EBF3: variants seen among roughly 807,000 people sequenced by gnomAD.
EBF3 encodes the protein EBF transcription factor 3.
EBF3 carries 18 observed loss-of-function variants against 77.1 expected under a neutral mutation model. The observed-to-expected ratio is 0.23, with a 90% CI of 0.16 to 0.35. EBF3 has a LOEUF of 0.35. Ranked by LOEUF, EBF3 falls within the 10% of genes least tolerant of loss-of-function variation. EBF3 has a pLI of 1.00. For synonymous variants in EBF3, 350 were observed against 343.5 expected (o/e 1.02, Z -0.21); for missense variants, 558 against 860.0 (o/e 0.65, Z 4.39).
At chr10:129,962,255 C>G in intron 3 of EBF3, 29 bp from the exon 4 acceptor site, 1 of 1,612,506 alleles carries the variant, frequency 6.2e-7, no homozygotes, top group South Asian at 1.1e-5. Context: ...AAATTCTCAT[C>G]AGGATTTGAG....
In EBF3 at chr10:129,863,354, G is replaced by T. The variant is rs1027137661; in HGVS notation, c.1039+3787C>A. ...TGTGTCTTTATAGGAGTTGAAAGCA[G>T]CAGGCAAAAGGGCCTGGATGGATGG... On this transcript the variant is annotated intron_variant, in intron 10 of 16. Coordinates refer to ENST00000440978, the MANE Select transcript of EBF3 (RefSeq NM_001375380.1). The surrounding 1 kb of genome is among the most constrained non-coding windows in gnomAD (Gnocchi z 4.0). Among the ~76,000 whole-genome samples the T allele has an allele frequency of 1.3e-5, 2 of 152,220 alleles. No homozygotes were observed. Among genetic ancestry groups the T allele is most frequent in the African/African-American group, 4.8e-5 (2 of 41,462 alleles).
chr10:129,859,371 G>A (rs549953138), intron 10 of EBF3, among the ~76,000 whole-genome samples: 6 of 152,154 alleles, frequency 3.9e-5, no homozygotes, highest in African/African-American at 7.2e-5. Context: ...ACAGGCGTGC[G>A]CCACCACACC....
chr10:129,930,732 ATATC>A (rs1233238529), intron 6 of EBF3, among the ~76,000 whole-genome samples: 4 of 140,484 alleles, frequency 2.8e-5, no homozygotes, highest in Non-Finnish European at 4.6e-5. Context: ...GTATCTGTCT[ATATC>A]TATCTCTATA....
chr10:129,850,031 C>A (rs117030248), intron 10 of EBF3, among the ~76,000 whole-genome samples: 1 of 152,252 alleles, frequency 6.6e-6, no homozygotes, highest in African/African-American at 2.4e-5. Context: ...TAGTTCGGGC[C>A]GCGGGGCGCG....
chr10:129,916,629 G>A (rs1855900999), intron 6 of EBF3, among the ~76,000 whole-genome samples: 1 of 152,228 alleles, frequency 6.6e-6, no homozygotes, highest in South Asian at 2.1e-4. Flanking sequence ...CACAGCTCAG[G>A]AGCCAGCAGG....
intron 6 of EBF3, among the ~76,000 whole-genome samples, chr10:129,939,109 C>A (rs1446948162): frequency 1.3e-5 from 2 of 152,208 alleles, no homozygotes; most frequent in Non-Finnish European, 2.9e-5. Flanking sequence ...CCAGAAGGTG[C>A]CCCTGTGTGT....
chr10:129,862,655 C>T (rs1022079129), intron 10 of EBF3, among the ~76,000 whole-genome samples: 2 of 152,156 alleles, frequency 1.3e-5, no homozygotes, highest in African/African-American at 4.8e-5. Context: ...GCCAAATGGA[C>T]ACTGTTGGAA....
intron 6 of EBF3, among the ~76,000 whole-genome samples, chr10:129,913,310 TG>T (rs1855651333): frequency 6.6e-6 from 1 of 152,274 alleles, no homozygotes; most frequent in Admixed American, 6.5e-5. Context: ...TTTCTCCTGG[TG>T]GCCCCCACAC....
intron 6 of EBF3, among the ~76,000 whole-genome samples, chr10:129,951,091 C>A (rs1045574118): frequency 6.6e-6 from 1 of 152,330 alleles, no homozygotes; most frequent in African/African-American, 2.4e-5. Flanking sequence ...CTATGCCTAG[C>A]AAAGATCACC....
intron 6 of EBF3, among the ~76,000 whole-genome samples, chr10:129,900,000 T>A (rs1472821799): frequency 2.6e-5 from 4 of 152,386 alleles, no homozygotes; most frequent in African/African-American, 9.6e-5. Context: ...TAATTTGATA[T>A]GAATTCCTCA....
intron 6 of EBF3, among the ~76,000 whole-genome samples, chr10:129,904,478 T>C (rs908122066): frequency 1.3e-5 from 2 of 150,110 alleles, no homozygotes; most frequent in Admixed American, 1.3e-4. Flanking sequence ...AAATGGAAGA[T>C]AGATGGGCAG....
chr10:129,890,329 G>A (rs1306184560), intron 6 of EBF3, among the ~76,000 whole-genome samples: 3 of 152,174 alleles, frequency 2.0e-5, no homozygotes, highest in African/African-American at 7.2e-5. Flanking sequence ...GCGGCAGGCC[G>A]GCTCCAGGCC....
rs1032521874 is a variant in EBF3 at position 129,944,386 on chromosome 10, T to C, written c.554+12872A>G. Among the ~76,000 whole-genome samples, 27 of 152,180 alleles carry C rather than the reference T, an allele frequency of 1.8e-4. No homozygotes were observed. The highest frequency in any genetic ancestry group is 5.8e-4 in the African/African-American group (24 of 41,440). On this transcript the variant is annotated intron_variant, in intron 6 of 16. Coordinates refer to ENST00000440978, the MANE Select transcript of EBF3 (RefSeq NM_001375380.1). The surrounding 1 kb of genome is among the most constrained non-coding windows in gnomAD (Gnocchi z 5.1). ...ATCAATTCTGAGCCTTGATGTTAAA[T>C]AGGGATCAATACCGCTGGGCTGCAG...
chr10:129,907,166 C>T (rs191935065), intron 6 of EBF3, among the ~76,000 whole-genome samples: 75 of 152,290 alleles, frequency 4.9e-4, no homozygotes, highest in Non-Finnish European at 6.2e-4. Flanking sequence ...GAAATGAATA[C>T]GGATGAAATT....
chr10:129,889,964 T>TC (rs1165428954), intron 6 of EBF3, among the ~76,000 whole-genome samples: 13 of 135,060 alleles, frequency 9.6e-5, no homozygotes, highest in African/African-American at 3.2e-4. Context: ...TTTTTTTTTT[T>TC]TTTTTTTTTT....
intron 6 of EBF3, among the ~76,000 whole-genome samples, chr10:129,887,987 G>A (rs768818159): frequency 7.2e-5 from 11 of 152,160 alleles, no homozygotes; most frequent in Non-Finnish European, 1.3e-4. Flanking sequence ...ATCCCAATCG[G>A]CCTCGTGGTT....
At chr10:129,840,494 G>A (rs1849950502) in intron 14 of EBF3, 52 bp from the exon 15 acceptor site, 2 of 1,528,280 alleles carry the variant, frequency 1.3e-6, no homozygotes, top group Non-Finnish European at 1.8e-6. Flanking sequence ...CAGCGCCACG[G>A]CGAGAGGGCA....
rs1857501012 is a variant in EBF3 at position 129,938,352 on chromosome 10, C to A, written c.554+18906G>T. On this transcript the variant is annotated intron_variant, in intron 6 of 16. Transcript: ENST00000440978. This position sits in a 1 kb window ranked among gnomAD's most constrained non-coding sequence, Gnocchi z 5.1. Reference sequence around the variant, plus strand: ...CTCAGGAGTTCAACACCAGCCTGGGCAACATGGCAAAACCCCATCTCTATT... The same window carrying A: ...CTCAGGAGTTCAACACCAGCCTGGGAAACATGGCAAAACCCCATCTCTATT... Among the ~76,000 whole-genome samples, 2 of 145,358 alleles carry A rather than the reference C, an allele frequency of 1.4e-5. No individual in the cohort carries two copies. Among genetic ancestry groups the A allele is most frequent in the African/African-American group, 2.6e-5 (1 of 38,974 alleles).
chr10:129,964,258 C>G lies in EBF3; in HGVS notation c.-490G>C, dbSNP rs1166776888. On this transcript the variant is annotated 5_prime_UTR_variant, in exon 1 of 17. Coordinates refer to ENST00000440978, the MANE Select transcript of EBF3 (RefSeq NM_001375380.1). This position sits in a 1 kb window ranked among gnomAD's most constrained non-coding sequence, Gnocchi z 4.5. ...GGACGGAGGCGCACAAAACTCAGCC[C>G]TCTCTCCCCGAGGAATGGACCCTTT... The G allele has an allele frequency of 4.1e-6, 4 of 984,926 alleles. No individual in the cohort carries two copies. In the African/African-American group the frequency reaches 7.0e-5, roughly 17 times the overall value. 61.0% of individuals were successfully genotyped at this position (984,926 alleles called of 1,614,324 possible). A position where few individuals can be genotyped will look rare whatever the true frequency, so the allele number is the denominator to read the frequency against.
Sources: gnomAD v4.1 joint callset for allele counts (sites outside exome capture counted in the v4.1 genomes callset) on GRCh38, gnomAD v4.1.1 for gene constraint, Gnocchi (gnomAD v3.1) non-coding constraint, MANE v1.5 for transcripts, NCBI Gene and HGNC (gene_info 2026-07-23, HGNC 2026-07-21) for gene names.